The following TGFBR2 variants were observed in gnomAD, a reference collection of about 807,000 sequenced individuals.
TGFBR2 encodes the protein TGF-beta receptor type-2.
In TGFBR2, 18 loss-of-function variants were observed where a neutral mutation model predicts 49.0. The observed-to-expected ratio is 0.37, with a 90% CI of 0.25 to 0.54. TGFBR2 has a LOEUF of 0.54. Among genes scored for constraint, TGFBR2 ranks in the 20% least tolerant of loss-of-function variants. The pLI is 0.85. For missense variants in TGFBR2, 525 were observed against 722.6 expected, an observed-to-expected ratio of 0.73 and a Z score of 3.13; for synonymous variants, 282 against 275.9, an observed-to-expected ratio of 1.02 and a Z score of -0.22.
chr3:30,691,651 A>T lies in TGFBR2; in HGVS notation c.*52A>T. 13 of 1,609,126 alleles carry T rather than the reference A, an allele frequency of 8.1e-6. No individual in the cohort carries two copies. Among genetic ancestry groups the T allele is most frequent in the Non-Finnish European group, 1.1e-5 (13 of 1,175,894 alleles). On this transcript the variant is annotated 3_prime_UTR_variant, in exon 7 of 7. Transcript: ENST00000295754. Reference sequence around the variant, plus strand: ...CCAAAGAGGCTGCCCCTCTCACCAAAGAACAGAGGCAGCAGGAAGCTGCCC... The same window carrying T: ...CCAAAGAGGCTGCCCCTCTCACCAATGAACAGAGGCAGCAGGAAGCTGCCC...
rs574915252 is a variant in TGFBR2 at position 30,628,475 on chromosome 3, G to A, written c.95-16272G>A. Reference sequence around the variant, plus strand: ...CTAGAAACTCACCTTTATTTGGCATGCTGTGACTTAAATCCTCCAAAAAAA... The same window carrying A: ...CTAGAAACTCACCTTTATTTGGCATACTGTGACTTAAATCCTCCAAAAAAA... On this transcript the variant is annotated intron_variant, in intron 1 of 6. Transcript: ENST00000295754. 3.8e-5 allele frequency among the ~76,000 whole-genome samples: 5 copies of A among 130,048 alleles called. 1 individual carries two copies. In the South Asian group the frequency reaches 9.7e-4, roughly 25 times the overall value. 85.3% of individuals were successfully genotyped at this position (130,048 alleles called of 152,430 possible).
chr3:30,666,707 G>C (rs1395309676), intron 3 of TGFBR2, among the ~76,000 whole-genome samples: 2 of 136,242 alleles, frequency 1.5e-5, no homozygotes, highest in African/African-American at 2.8e-5. Context: ...CAGGATCATA[G>C]TGTGCTGCCG....
chr3:30,639,326 G>A (rs1161824319), intron 1 of TGFBR2, among the ~76,000 whole-genome samples: 2 of 152,130 alleles, frequency 1.3e-5, no homozygotes, highest in African/African-American at 2.4e-5. Flanking sequence ...GTGATTAACA[G>A]CTAAAATCAT....
At chr3:30,614,936 CA>C (rs1309027383) in intron 1 of TGFBR2, among the ~76,000 whole-genome samples, 1 of 152,064 alleles carries the variant, frequency 6.6e-6, no homozygotes, top group East Asian at 1.9e-4. Flanking sequence ...TAATAATATC[CA>C]ACATTTTTCT....
rs143902251 is a variant in TGFBR2, at chr3:30,619,314, G to A, written c.94+12337G>A. ...TGGTCTCTGCTTATGGACACCCTTT[G>A]TTCTTTCTCTGTCAATAACACAGGC... On this transcript the variant is annotated intron_variant, in intron 1 of 6. Transcript: ENST00000295754. Among the ~76,000 whole-genome samples, 116 of 152,266 alleles carry A rather than the reference G, an allele frequency of 7.6e-4. 1 individual carries two copies. The highest frequency in any genetic ancestry group is 2.7e-3 in the African/African-American group (114 of 41,554).
chr3:30,691,747 C>G lies in TGFBR2; in HGVS notation c.*148C>G. 1 of 828,956 alleles carries G rather than the reference C, an allele frequency of 1.2e-6. No individual in the cohort carries two copies. Among genetic ancestry groups the G allele is most frequent in the Non-Finnish European group, 2.0e-6 (1 of 497,954 alleles). The allele number at this position is 828,956 out of a possible 1,614,324, so 51.4% of individuals were successfully genotyped here. On this transcript the variant is annotated 3_prime_UTR_variant, in exon 7 of 7. Transcript: ENST00000295754. ...TGTAAGCTGTGGGGATAAGCAGAAA[C>G]AACAGCAGCAGGGAGTGGGTGACAT...
At chr3:30,607,179 G>T (rs1043690797) in intron 1 of TGFBR2, among the ~76,000 whole-genome samples, 2 of 152,226 alleles carry the variant, frequency 1.3e-5, no homozygotes, top group African/African-American at 4.8e-5. Context: ...GGAAAGTTCA[G>T]TTGCAAGGGG....
chr3:30,673,239 G>A (rs1241291627), intron 4 of TGFBR2, among the ~76,000 whole-genome samples: 2 of 152,164 alleles, frequency 1.3e-5, no homozygotes, highest in Admixed American at 6.5e-5. Flanking sequence ...AATGAGCCAT[G>A]CAATGACCTC....
At chr3:30,638,962 T>C (rs1698593141) in intron 1 of TGFBR2, among the ~76,000 whole-genome samples, 1 of 152,200 alleles carries the variant, frequency 6.6e-6, no homozygotes, top group South Asian at 2.1e-4. Flanking sequence ...AAAAACCTCC[T>C]TTCAGAGAAC....
Position 30,691,692 on chromosome 3 carries a change from C to A in TGFBR2, c.*93C>A. The A allele has an allele frequency of 6.7e-7, 1 of 1,487,212 alleles. No homozygotes were observed. 92.1% of individuals were successfully genotyped at this position (1,487,212 alleles called of 1,614,324 possible). On this transcript the variant is annotated 3_prime_UTR_variant, in exon 7 of 7. Transcript: ENST00000295754. Reference sequence around the variant, plus strand: ...GAAGCTGCCCCTGAACTGATGCTTCCTGGAAAACCAAGGGGGTCACTCCCC... The same window carrying A: ...GAAGCTGCCCCTGAACTGATGCTTCATGGAAAACCAAGGGGGTCACTCCCC...
At chr3:30,628,096 G>A (rs374583952) in intron 1 of TGFBR2, among the ~76,000 whole-genome samples, 1 of 144,692 alleles carries the variant, frequency 6.9e-6, no homozygotes. Flanking sequence ...TTTATTGTAG[G>A]AGGATGCAGC....
intron 1 of TGFBR2, among the ~76,000 whole-genome samples, chr3:30,626,174 A>G (rs1200546131): frequency 6.6e-6 from 1 of 152,200 alleles, no homozygotes. Flanking sequence ...CAAATGAAGA[A>G]TTTCACCAGA....
Position 30,606,964 on chromosome 3 carries a change from C to T in TGFBR2, c.81C>T (p.His27=), listed in dbSNP as rs1057520957. ...WTRIASTIPP[H]VQKSVNNDMI... is the part of the protein sequence containing the mutation. ...GTATCGCCAGCACGATCCCACCGCA[C>T]GTTCAGAAGTCGGGTGAGTGGTCCC... Residue 27 remains histidine, a synonymous_variant, in exon 1 of 7, where the codon CAC becomes CAT. Coordinates refer to ENST00000295754, the MANE Select transcript of TGFBR2 (RefSeq NM_003242.6). The T allele has an allele frequency of 1.9e-6, 3 of 1,599,888 alleles. No homozygotes were observed. Among genetic ancestry groups the T allele is most frequent in the Non-Finnish European group, 8.5e-7 (1 of 1,173,608 alleles).
intron 6 of TGFBR2, 102 bp from the exon 7 acceptor site, chr3:30,691,318 G>A: frequency 7.5e-7 from 1 of 1,325,942 alleles, no homozygotes; most frequent in Admixed American, 2.0e-5. Context: ...GGCACTTTTG[G>A]ACCCTGCTTG....
At chr3:30,650,121 G>A (rs1698851185) in intron 2 of TGFBR2, 149 bp from the exon 3 acceptor site, 4 of 776,420 alleles carry the variant, frequency 5.2e-6, no homozygotes, top group Non-Finnish European at 8.9e-6. Flanking sequence ...TGCGAATGCT[G>A]GAGAACAGGA....
chr3:30,678,095 G>A (rs1306656412), intron 5 of TGFBR2, among the ~76,000 whole-genome samples: 2 of 152,112 alleles, frequency 1.3e-5, no homozygotes, highest in Non-Finnish European at 2.9e-5. Flanking sequence ...AATCATAGAT[G>A]GACAGTAAAG....
intron 5 of TGFBR2, among the ~76,000 whole-genome samples, chr3:30,680,097 C>T (rs6790555): frequency 0.66 from 99,017 of 150,578 alleles, 33,575 homozygotes; most frequent in Admixed American, 0.76. Flanking sequence ...TGCACTCTAG[C>T]CTGGGCGACA....
At chr3:30,613,837 G>A (rs918053620) in intron 1 of TGFBR2, among the ~76,000 whole-genome samples, 2 of 152,182 alleles carry the variant, frequency 1.3e-5, no homozygotes, top group East Asian at 3.9e-4. Context: ...AACTTTAAAT[G>A]TTTTGACTTA....
intron 1 of TGFBR2, among the ~76,000 whole-genome samples, chr3:30,638,205 A>G (rs1010957662): frequency 7.9e-5 from 12 of 152,364 alleles, no homozygotes; most frequent in Non-Finnish European, 1.8e-4. Context: ...TCCAATAAGC[A>G]TTGATAATGA....
Sources: gnomAD v4.1 joint callset for allele counts (sites outside exome capture counted in the v4.1 genomes callset) on GRCh38, gnomAD v4.1.1 for gene constraint, MANE v1.5 for transcripts, NCBI Gene and HGNC (gene_info 2026-07-23, HGNC 2026-07-21) for gene names.